The following KNL1 variants were observed in gnomAD, a reference collection of about 807,000 sequenced individuals.
KNL1 encodes the protein outer kinetochore KNL1 complex subunit KNL1.
KNL1 carries 66 observed loss-of-function variants against 201.3 expected under a neutral mutation model. The observed-to-expected ratio is 0.33, with a 90% CI of 0.27 to 0.40. The LOEUF is 0.40. KNL1 is among the 10% of genes least tolerant of loss of function. The pLI, the probability that KNL1 is intolerant of heterozygous loss-of-function variation, is 1.00. For missense variants in KNL1, 2,815 were observed against 2,690.5 expected, an observed-to-expected ratio of 1.05 and a Z score of -1.02; for synonymous variants, 895 against 899.2, an observed-to-expected ratio of 1.00 and a Z score of 0.08.
At chr15:40,616,853 C>T (rs1892359508) in intron 8 of KNL1, among the ~76,000 whole-genome samples, 1 of 152,208 alleles carries the variant, frequency 6.6e-6, no homozygotes, top group Admixed American at 6.5e-5. Context: ...ATCTCCTACC[C>T]ATTATATAGG....
rs80007790 is a variant in KNL1 at position 40,662,638 on chromosome 15, C to T, written c.*450C>T. 2,078 of 195,966 alleles carry T rather than the reference C, an allele frequency of 0.011. 45 individuals are homozygous for T. Among genetic ancestry groups the T allele is most frequent in the African/African-American group, 0.045 (1,929 of 43,302 alleles). The allele number at this position is 195,966 out of a possible 1,614,324, so 12.1% of individuals were successfully genotyped here. ...AATGTATCTGTCTACAAACTATTAT[C>T]CTTTTTCTCCGTTACTAAAATGCTA... On this transcript the variant is annotated 3_prime_UTR_variant, in exon 26 of 26. Transcript: ENST00000399668.
chr15:40,610,222 A>G (rs200583031), intron 5 of KNL1, 23 bp from the exon 6 acceptor site: 41 of 1,340,450 alleles, frequency 3.1e-5, no homozygotes, highest in African/African-American at 5.8e-5. Context: ...CAGGTTTTCA[A>G]TAATCTTTAT....
intron 1 of KNL1, among the ~76,000 whole-genome samples, chr15:40,595,052 T>C (rs1216096683): frequency 6.6e-6 from 1 of 152,244 alleles, no homozygotes; most frequent in Non-Finnish European, 1.5e-5. Context: ...GAAAAAGTAT[T>C]GCCGATTGGA....
chr15:40,662,922 T>C lies in KNL1; in HGVS notation c.*734T>C, dbSNP rs1893951198. ...TTGCAGTAAGCCGAGACCATTCCAC[T>C]GCACTCCAGCCTAGGCAACAGAGCA... On this transcript the variant is annotated 3_prime_UTR_variant, in exon 26 of 26. Transcript: ENST00000399668. 1 of 180,378 alleles carries C rather than the reference T, an allele frequency of 5.5e-6. No individual in the cohort carries two copies. Among genetic ancestry groups the C allele is most frequent in the African/African-American group, 2.4e-5 (1 of 42,312 alleles). 11.2% of individuals were successfully genotyped at this position (180,378 alleles called of 1,614,324 possible). A position where few individuals can be genotyped will look rare whatever the true frequency, so the allele number is the denominator to read the frequency against.
chr15:40,651,945 AG>A, intron 20 of KNL1, 59 bp from the exon 21 acceptor site: 1 of 1,146,816 alleles, frequency 8.7e-7, no homozygotes, highest in Non-Finnish European at 1.3e-6. Flanking sequence ...TGGTATCAGA[AG>A]TTCTCTTTTA....
In KNL1 at chr15:40,654,957, A is replaced by G. The variant is rs1893676997; in HGVS notation, c.6464A>G (p.Asn2155Ser). The part of the protein sequence containing the change: ...DKRYRKIVDV[N>S]FQSLLDEDQA... Reference sequence around the variant, plus strand: ...CGTTATAGGAAGATTGTTGATGTCAATTTTCAATCTCTGTTAGATGGTAAG... The same window carrying G: ...CGTTATAGGAAGATTGTTGATGTCAGTTTTCAATCTCTGTTAGATGGTAAG... Residue 2155 changes from asparagine (N) to serine (S), a missense_variant, in exon 22 of 26, where the codon AAT (asparagine) becomes AGT (serine). By Grantham distance (46) the Asn-to-Ser change is conservative. Transcript: ENST00000399668. 6.2e-7 allele frequency: 1 copy of G among 1,612,822 alleles called. No individual in the cohort carries two copies. The highest frequency in any genetic ancestry group is 8.5e-7 in the Non-Finnish European group (1 of 1,179,270).
chr15:40,624,058 G>T lies in KNL1; in HGVS notation c.3794G>T (p.Cys1265Phe). The T allele has an allele frequency of 3.7e-6, 6 of 1,614,004 alleles. No homozygotes were observed. Among genetic ancestry groups the T allele is most frequent in the Non-Finnish European group, 4.2e-6 (5 of 1,179,950 alleles). The change falls in exon 10 of 26, where the codon TGT becomes TTT. Residue 1265 changes from cysteine to phenylalanine, a missense_variant. Physicochemically the swap from Cys to Phe is radical, Grantham distance 205. Transcript: ENST00000399668. ...KVIGKVVDQA[C>F]TLEKAQVESC... ...ATAGGGAAAGTTGTAGACCAGGCCT[G>T]TACATTGGAAAAAGCGCAAGTTGAA...
At chr15:40,620,066 C>G (rs998367318) in intron 9 of KNL1, among the ~76,000 whole-genome samples, 8 of 152,162 alleles carry the variant, frequency 5.3e-5, no homozygotes, top group African/African-American at 1.9e-4. Flanking sequence ...GTAGCTAGGA[C>G]AACAGGCATG....
chr15:40,648,032 G>A (rs1388588399), intron 17 of KNL1, among the ~76,000 whole-genome samples: 1 of 152,008 alleles, frequency 6.6e-6, no homozygotes, highest in Non-Finnish European at 1.5e-5. Context: ...CATTTTTTGA[G>A]CATATACTGC....
rs1348417179 is a variant in KNL1, at chr15:40,623,790, T to C, written c.3526T>C (p.Cys1176Arg). The change falls in exon 10 of 26, where the codon TGT becomes CGT. Residue 1176 changes from cysteine to arginine, a missense_variant. Cys to Arg is a radical substitution (Grantham distance 180). This residue lies in a region of KNL1 where 2,464 missense variants were observed against 2,291.7 expected (regional missense o/e 1.08). Transcript: ENST00000399668. The stretch of plus-strand genomic sequence containing the variant: ...CGATTCCCATACTGTTTTCATTGAC[T>C]GTCAAGCCACAGAGAAAATACTTGA... ...VTDSHTVFID[C>R]QATEKILEEN... The C allele has an allele frequency of 1.9e-6, 3 of 1,613,896 alleles. No homozygotes were observed. The South Asian group carries it at 3.3e-5, about 18-fold the overall frequency.
chr15:40,606,469 A>G lies in KNL1; in HGVS notation c.135+17A>G, dbSNP rs371896780. ...AGAGTTCAGGTAAGTCTTTTGTGCA[A>G]ATACTTTATAGATGACTATTTTCAG... On this transcript the variant is annotated intron_variant, in intron 4 of 25. Coordinates refer to ENST00000399668, the MANE Select transcript of KNL1 (RefSeq NM_144508.5). 1 of 1,352,368 alleles carries G rather than the reference A, an allele frequency of 7.4e-7. No homozygotes were observed. The highest frequency in any genetic ancestry group is 1.2e-5 in the South Asian group (1 of 83,242). 83.8% of individuals were successfully genotyped at this position (1,352,368 alleles called of 1,614,324 possible).
intron 3 of KNL1, among the ~76,000 whole-genome samples, chr15:40,605,400 A>G (rs893281328): frequency 1.3e-5 from 2 of 152,172 alleles, no homozygotes; most frequent in African/African-American, 2.4e-5. Flanking sequence ...TGTTTAAAAG[A>G]TATGTTTAAC....
chr15:40,656,051 C>T (rs963886042), intron 22 of KNL1, among the ~76,000 whole-genome samples: 6 of 152,086 alleles, frequency 3.9e-5, no homozygotes, highest in African/African-American at 1.4e-4. Context: ...CTATGAAGTC[C>T]ATGCGATTTG....
chr15:40,635,733 A>G (rs1013927424), intron 13 of KNL1, among the ~76,000 whole-genome samples: 1 of 152,206 alleles, frequency 6.6e-6, no homozygotes, highest in African/African-American at 2.4e-5. Context: ...ATATACGTAC[A>G]GTTGCAGGAA....
chr15:40,624,936 A>G lies in KNL1; in HGVS notation c.4672A>G (p.Lys1558Glu), dbSNP rs201603185. The change falls in exon 10 of 26, where the codon AAA (lysine) becomes GAA (glutamate). Residue 1558 changes from lysine (K) to glutamate (E), a missense_variant. By Grantham distance (56) the Lys-to-Glu change is moderately conservative (BLOSUM62 1). Transcript: ENST00000399668. ...TAATGTTCCATGTTTTCATAGTATC[A>G]AACCAAATCTGAATAATTTGAATGG... ...TSNVPCFHSIKPNLNNLNGKT... is the reference protein window; with the variant it reads ...TSNVPCFHSIEPNLNNLNGKT... The G allele has an allele frequency of 1.9e-6, 3 of 1,613,656 alleles. No individual in the cohort carries two copies. The highest frequency in any genetic ancestry group is 8.5e-7 in the Non-Finnish European group (1 of 1,179,926).
intron 1 of KNL1, among the ~76,000 whole-genome samples, chr15:40,595,526 A>G (rs1891595642): frequency 1.3e-5 from 2 of 152,238 alleles, no homozygotes; most frequent in African/African-American, 4.8e-5. Context: ...TCTTTACAAG[A>G]TGATAAATAC....
Position 40,602,929 on chromosome 15 carries a change from A to C in KNL1, c.-3A>C, listed in dbSNP as rs1421931324. On this transcript the variant is annotated 5_prime_UTR_variant, in exon 2 of 26. Transcript: ENST00000399668. ...ATTTGTTACAGAAAAGTTTTCTTCA[A>C]AAATGGATGGGGTGTCTTCAGAGGC... 1.3e-6 allele frequency: 2 copies of C among 1,588,610 alleles called. No homozygotes were observed. The highest frequency in any genetic ancestry group is 1.7e-6 in the Non-Finnish European group (2 of 1,161,324).
chr15:40,608,433 G>GAAAAAA (rs1240921260), intron 4 of KNL1, among the ~76,000 whole-genome samples: 1 of 80,972 alleles, frequency 1.2e-5, no homozygotes, highest in Non-Finnish European at 2.5e-5. Flanking sequence ...AACCGTCTTG[G>GAAAAAA]AAAAAAAAAA....
Position 40,602,903 on chromosome 15 carries a change from T to A in KNL1, c.-17-12T>A, listed in dbSNP as rs1891854103. On this transcript the variant is annotated splice_polypyrimidine_tract_variant and intron_variant, in intron 1 of 25. Transcript: ENST00000399668. ...TTTCCTCATGTTTTCTAATATTGTATATTTGTTACAGAAAAGTTTTCTTCA... is the reference window on the plus strand; with the variant it reads ...TTTCCTCATGTTTTCTAATATTGTAAATTTGTTACAGAAAAGTTTTCTTCA... The A allele has an allele frequency of 8.3e-6, 12 of 1,452,842 alleles. No individual in the cohort carries two copies. Among genetic ancestry groups the A allele is most frequent in the Non-Finnish European group, 1.1e-5 (11 of 1,040,384 alleles). The allele number at this position is 1,452,842 out of a possible 1,614,324, so 90.0% of individuals were successfully genotyped here.
Sources: allele counts gnomAD v4.1 joint callset (sites outside exome capture counted in the v4.1 genomes callset), GRCh38; gene constraint gnomAD v4.1.1; regional missense constraint gnomAD v4.1.1; transcripts MANE v1.5; gene names NCBI Gene and HGNC (gene_info 2026-07-23, HGNC 2026-07-21).